Variants in CDK7 observed in about 807,000 individuals in gnomAD.
CDK7 encodes cyclin dependent kinase 7, also known as cyclin-dependent kinase 7.
In CDK7, 25 loss-of-function variants were observed where a neutral mutation model predicts 49.1. The observed-to-expected ratio is 0.51, with a 90% CI of 0.37 to 0.71. The LOEUF (loss-of-function observed/expected upper bound fraction) is 0.71. CDK7 is among the 30% of genes least tolerant of loss of function. The pLI is 0.00. For synonymous variants in CDK7, 107 were observed against 140.0 expected, an observed-to-expected ratio of 0.76 and a Z score of 1.67; for missense variants, 316 against 411.7, an observed-to-expected ratio of 0.77 and a Z score of 2.01.
chr5:69,265,317 C>G (rs1561369777), intron 8 of CDK7, among the ~76,000 whole-genome samples: 1 of 140,322 alleles, frequency 7.1e-6, no homozygotes, highest in Non-Finnish European at 1.6e-5. Context: ...AGAAAACTTT[C>G]AAAAAAAAAT....
chr5:69,265,760 A>T lies in CDK7; in HGVS notation c.628-3447A>T, dbSNP rs530377309. 1.3e-5 allele frequency among the ~76,000 whole-genome samples: 2 copies of T among 152,224 alleles called. 1 individual carries two copies. The highest frequency in any genetic ancestry group is 1.3e-4 in the Admixed American group (2 of 15,282). On this transcript the variant is annotated intron_variant, in intron 8 of 11. Coordinates refer to ENST00000256443, the MANE Select transcript of CDK7 (RefSeq NM_001799.4). ...CCCTGTCTCTACCAAAAATACAAAA[A>T]TTAGCCGGGCATGGTATTGAGTGCG...
chr5:69,268,390 T>C (rs1751301830), intron 8 of CDK7, among the ~76,000 whole-genome samples: 1 of 152,236 alleles, frequency 6.6e-6, no homozygotes, highest in African/African-American at 2.4e-5. Flanking sequence ...GAAGTGTTTA[T>C]TAAAATTTGG....
Position 69,234,992 on chromosome 5 carries a change from A to G in CDK7, c.17A>G (p.Lys6Arg). Residue 6 changes from lysine to arginine, a missense_variant, in exon 1 of 12, where the codon AAG becomes AGG. Coordinates refer to ENST00000256443, the MANE Select transcript of CDK7 (RefSeq NM_001799.4). MALDV[K>R]SRAKRYEKLD... ...CGGCGCCGGATGGCTCTGGACGTGA[A>G]GTCTCGGGCAAAGCGTTATGAGAAG... 1 of 1,600,708 alleles carries G rather than the reference A, an allele frequency of 6.2e-7. No homozygotes were observed. The highest frequency in any genetic ancestry group is 8.5e-7 in the Non-Finnish European group (1 of 1,174,074).
intron 2 of CDK7, among the ~76,000 whole-genome samples, chr5:69,235,786 A>T (rs1748930385): frequency 6.6e-6 from 1 of 152,148 alleles, no homozygotes; most frequent in African/African-American, 2.4e-5. Flanking sequence ...ACCTGCATCC[A>T]CTCAGTGTGT....
chr5:69,238,742 C>T (rs2150181011), intron 2 of CDK7, among the ~76,000 whole-genome samples: 1 of 151,154 alleles, frequency 6.6e-6, no homozygotes, highest in East Asian at 2.0e-4. Flanking sequence ...CTGCAACCTC[C>T]ACCTCCCCAG....
In CDK7 at chr5:69,255,480, TAAATC is replaced by T. The variant is rs1750424706; in HGVS notation, c.250_254del (p.Lys84Ter). On this transcript the variant is annotated frameshift_variant, in exon 5 of 12. Coordinates refer to ENST00000256443, the MANE Select transcript of CDK7 (RefSeq NM_001799.4). LOFTEE classifies it high-confidence loss of function. ...TGCAGCTCCTTGATGCTTTTGGACA[TAAATC>T]TAATATTAGCCTTGTCTTTGATTTT... 1 of 1,576,256 alleles carries T rather than the reference TAAATC, an allele frequency of 6.3e-7. No homozygotes were observed. The highest frequency in any genetic ancestry group is 8.6e-7 in the Non-Finnish European group (1 of 1,159,188).
chr5:69,248,481 G>A (rs971973049), intron 2 of CDK7, among the ~76,000 whole-genome samples: 5 of 151,870 alleles, frequency 3.3e-5, no homozygotes, highest in African/African-American at 4.8e-5. Flanking sequence ...TCCTCCTCCC[G>A]GGTTCAAGCG....
intron 11 of CDK7, 128 bp from the exon 12 acceptor site, chr5:69,276,979 G>T: frequency 1.3e-6 from 1 of 778,296 alleles, no homozygotes. Context: ...TTTAACAAGT[G>T]CTACTGGAAA....
chr5:69,234,876 G>C (rs2932779), upstream of CDK7: 1 of 1,194,700 alleles, frequency 8.4e-7, no homozygotes, highest in African/African-American at 1.5e-5. Flanking sequence ...GACGGAGCCC[G>C]GTGGACGGAA....
intron 2 of CDK7, among the ~76,000 whole-genome samples, chr5:69,251,690 C>G (rs1437754824): frequency 6.6e-6 from 1 of 152,092 alleles, no homozygotes; most frequent in Non-Finnish European, 1.5e-5. Flanking sequence ...GCCACCACTC[C>G]TGGCTAATTT....
intron 2 of CDK7, among the ~76,000 whole-genome samples, chr5:69,247,980 C>A (rs1749869073): frequency 6.6e-6 from 1 of 152,196 alleles, no homozygotes; most frequent in Admixed American, 6.5e-5. Context: ...TTACATACCA[C>A]AATTACAGTG....
intron 8 of CDK7, among the ~76,000 whole-genome samples, chr5:69,265,467 G>C (rs549183245): frequency 2.0e-5 from 3 of 152,108 alleles, no homozygotes; most frequent in Non-Finnish European, 4.4e-5. Context: ...TAAAGTATTA[G>C]GGAAAAAGAA....
At position 69,235,386 on chromosome 5, in the gene CDK7, CT is replaced by C; in HGVS notation, c.67-5del. 6.3e-7 allele frequency: 1 copy of C among 1,583,038 alleles called. No individual in the cohort carries two copies. The highest frequency in any genetic ancestry group is 8.7e-7 in the Non-Finnish European group (1 of 1,152,550). On this transcript the variant is annotated splice_region_variant and splice_polypyrimidine_tract_variant and intron_variant, in intron 1 of 11. Coordinates refer to ENST00000256443, the MANE Select transcript of CDK7 (RefSeq NM_001799.4). Reference sequence around the variant, plus strand: ...ATAAACTTATGTTATTTCTATTTTTCTTTCTAGTTTGCCACCGTTTACAAGG... The same window carrying C: ...ATAAACTTATGTTATTTCTATTTTTCTTCTAGTTTGCCACCGTTTACAAGG...
At chr5:69,244,482 A>C (rs1403885187) in intron 2 of CDK7, among the ~76,000 whole-genome samples, 1 of 152,002 alleles carries the variant, frequency 6.6e-6, no homozygotes, top group Non-Finnish European at 1.5e-5. Flanking sequence ...AAAGTACAAA[A>C]AAAATTAGCC....
chr5:69,254,268 A>C (rs1030871275), intron 3 of CDK7, among the ~76,000 whole-genome samples: 1 of 152,172 alleles, frequency 6.6e-6, no homozygotes, highest in African/African-American at 2.4e-5. Context: ...TCACGCCTGT[A>C]ATCCCAGCAC....
chr5:69,245,909 C>T (rs994343544), intron 2 of CDK7, among the ~76,000 whole-genome samples: 2 of 152,066 alleles, frequency 1.3e-5, no homozygotes, highest in Non-Finnish European at 2.9e-5. Flanking sequence ...CCTTTTTTCA[C>T]ATCTGTTTTT....
intron 2 of CDK7, among the ~76,000 whole-genome samples, chr5:69,248,498 C>T (rs1295579943): frequency 6.6e-6 from 1 of 152,108 alleles, no homozygotes; most frequent in Non-Finnish European, 1.5e-5. Flanking sequence ...AGCGATTCTC[C>T]TGCCTCAGCC....
Position 69,277,235 on chromosome 5 carries a change from GTAAATAT to G in CDK7, c.*102_*108del. ...AAGTAAATGCTGTAGAAGTGAGTTT[GTAAATAT>G]TCTACACATGTAAAATATGTAAAAC... On this transcript the variant is annotated 3_prime_UTR_variant, in exon 12 of 12. Transcript: ENST00000256443. The G allele has an allele frequency of 1.3e-6, 1 of 764,380 alleles. No individual in the cohort carries two copies. The highest frequency in any genetic ancestry group is 2.1e-6 in the Non-Finnish European group (1 of 474,952). The allele number at this position is 764,380 out of a possible 1,614,324, so 47.3% of individuals were successfully genotyped here. A position where few individuals can be genotyped will look rare whatever the true frequency, so the allele number is the denominator to read the frequency against.
intron 3 of CDK7, among the ~76,000 whole-genome samples, chr5:69,254,390 C>T (rs1293277520): frequency 1.3e-5 from 2 of 151,578 alleles, no homozygotes; most frequent in African/African-American, 2.4e-5. Flanking sequence ...GGCGTGGTGG[C>T]GCGTGCCTGT....
Sources: gnomAD v4.1 joint callset for allele counts (sites outside exome capture counted in the v4.1 genomes callset) on GRCh38, gnomAD v4.1.1 for gene constraint, MANE v1.5 for transcripts, NCBI Gene and HGNC (gene_info 2026-07-23, HGNC 2026-07-21) for gene names.